HTR1F: variants seen among roughly 807,000 people sequenced by gnomAD.
The protein encoded by HTR1F is 5-hydroxytryptamine (serotonin) receptor 1F, G protein-coupled.
In HTR1F, 17 loss-of-function variants were observed where a neutral mutation model predicts 24.0. The observed-to-expected ratio is 0.71, with a 90% CI of 0.48 to 1.06. The LOEUF is 1.06. HTR1F is among the 50% of genes least tolerant of loss of function. The pLI, the probability that HTR1F is intolerant of heterozygous loss-of-function variation, is 0.00. For synonymous variants in HTR1F, 186 were observed against 156.8 expected, an observed-to-expected ratio of 1.19 and a Z score of -1.39; for missense variants, 391 against 427.8, an observed-to-expected ratio of 0.91 and a Z score of 0.76.
At chr3:87,813,340 C>A (rs1330660578) in intron 1 of HTR1F, among the ~76,000 whole-genome samples, 2 of 152,124 alleles carry the variant, frequency 1.3e-5, no homozygotes, top group Non-Finnish European at 2.9e-5. Flanking sequence ...TTTTATGGGG[C>A]CTGTAGGCCC....
intron 2 of HTR1F, among the ~76,000 whole-genome samples, chr3:87,930,874 G>C (rs1471282969): frequency 6.6e-6 from 1 of 151,940 alleles, no homozygotes; most frequent in African/African-American, 2.4e-5. Context: ...TACACATATT[G>C]TTGATGTTTT....
chr3:87,821,840 T>C (rs895523563), intron 1 of HTR1F, among the ~76,000 whole-genome samples, 168 bp from the exon 2 acceptor site: 3 of 143,124 alleles, frequency 2.1e-5, no homozygotes, highest in African/African-American at 9.2e-5. Context: ...ACGTTTTTTC[T>C]TTTATTGACT....
chr3:87,967,497 G>A (rs748856397), intron 2 of HTR1F, among the ~76,000 whole-genome samples: 38 of 151,784 alleles, frequency 2.5e-4, no homozygotes, highest in African/African-American at 8.2e-4. Flanking sequence ...GGAGTGATAC[G>A]GCTTGGCTGT....
At chr3:87,907,908 G>T (rs185121271) in intron 2 of HTR1F, among the ~76,000 whole-genome samples, 1 of 152,008 alleles carries the variant, frequency 6.6e-6, no homozygotes, top group Admixed American at 6.6e-5. Context: ...TTATATGTTG[G>T]AATACAAATT....
chr3:87,861,348 C>T (rs1299353455), intron 2 of HTR1F, among the ~76,000 whole-genome samples: 1 of 152,002 alleles, frequency 6.6e-6, no homozygotes, highest in Non-Finnish European at 1.5e-5. Context: ...ATTTTGAATA[C>T]AGCCTAAATA....
intron 1 of HTR1F, among the ~76,000 whole-genome samples, chr3:87,807,990 A>AT (rs1207577298): frequency 6.6e-6 from 1 of 151,704 alleles, no homozygotes; most frequent in Non-Finnish European, 1.5e-5. Context: ...GTGGTATATT[A>AT]TTTTTTTAAT....
At chr3:87,918,670 G>A (rs1703946782) in intron 2 of HTR1F, among the ~76,000 whole-genome samples, 1 of 151,884 alleles carries the variant, frequency 6.6e-6, no homozygotes, top group African/African-American at 2.4e-5. Flanking sequence ...TAACCAAGGA[G>A]TCTAAAAACC....
At chr3:87,909,202 G>A (rs773490007) in intron 2 of HTR1F, among the ~76,000 whole-genome samples, 1 of 151,950 alleles carries the variant, frequency 6.6e-6, no homozygotes, top group Non-Finnish European at 1.5e-5. Flanking sequence ...CATATGGTGT[G>A]GAGTGGCTAT....
At chr3:87,857,777 CTT>C (rs1189567468) in intron 2 of HTR1F, among the ~76,000 whole-genome samples, 5 of 152,122 alleles carry the variant, frequency 3.3e-5, no homozygotes, top group African/African-American at 1.2e-4. Flanking sequence ...AGGGTTCACT[CTT>C]GGTGTTGTAC....
intron 2 of HTR1F, among the ~76,000 whole-genome samples, chr3:87,898,287 C>A (rs1706246628): frequency 1.3e-5 from 2 of 152,146 alleles, no homozygotes; most frequent in Admixed American, 6.5e-5. Flanking sequence ...GCCTGGAATT[C>A]ATCTTAGGTC....
intron 2 of HTR1F, among the ~76,000 whole-genome samples, chr3:87,879,993 T>C (rs1450035783): frequency 6.6e-6 from 1 of 152,166 alleles, no homozygotes; most frequent in Non-Finnish European, 1.5e-5. Flanking sequence ...TAAACAGTAT[T>C]TTTCATATAA....
At chr3:87,826,462 A>G (rs1704463704) in intron 2 of HTR1F, among the ~76,000 whole-genome samples, 1 of 152,260 alleles carries the variant, frequency 6.6e-6, no homozygotes, top group Non-Finnish European at 1.5e-5. Flanking sequence ...TGATTTTCTC[A>G]TAAAGTCCAT....
chr3:87,802,535 A>G (rs1291954507), intron 1 of HTR1F, among the ~76,000 whole-genome samples: 1 of 151,798 alleles, frequency 6.6e-6, no homozygotes, highest in Non-Finnish European at 1.5e-5. Context: ...TTCTGGAGAC[A>G]GTATGTTACT....
At chr3:87,953,511 T>C (rs1704879302) in intron 2 of HTR1F, among the ~76,000 whole-genome samples, 1 of 147,526 alleles carries the variant, frequency 6.8e-6, no homozygotes, top group Admixed American at 6.8e-5. Context: ...CCAGTTAGAA[T>C]GGCTATTACC....
chr3:87,852,151 T>C (rs1484962329), intron 2 of HTR1F, among the ~76,000 whole-genome samples: 1 of 151,588 alleles, frequency 6.6e-6, no homozygotes, highest in African/African-American at 2.4e-5. Flanking sequence ...TTTATTGGCC[T>C]TTGAACTTTC....
intron 2 of HTR1F, among the ~76,000 whole-genome samples, chr3:87,908,142 C>G (rs1703704804): frequency 6.6e-6 from 1 of 151,882 alleles, no homozygotes. Context: ...AGAAGTTTCC[C>G]ATCAGAGATT....
In HTR1F at chr3:87,991,271, C is replaced by G. The variant is rs747001658; in HGVS notation, c.522C>G (p.Ile174Met). 2 of 1,614,020 alleles carry G rather than the reference C, an allele frequency of 1.2e-6. No homozygotes were observed. Among genetic ancestry groups the G allele is most frequent in the East Asian group, 2.2e-5 (1 of 44,874 alleles). Residue 174 changes from isoleucine to methionine, a missense_variant, in exon 3 of 3, where the codon ATC (isoleucine) becomes ATG (methionine). Ile to Met is a conservative substitution (Grantham distance 10, BLOSUM62 1). Transcript: ENST00000319595. ...CTAGCAGAGATGATGAATGCATCAT[C>G]AAGCACGACCACATTGTTTCCACCA... ...QGTSRDDECIIKHDHIVSTIY... is the reference protein window; with the variant it reads ...QGTSRDDECIMKHDHIVSTIY...
At chr3:87,866,844 G>A (rs1000053512) in intron 2 of HTR1F, among the ~76,000 whole-genome samples, 1 of 123,198 alleles carries the variant, frequency 8.1e-6, no homozygotes. Flanking sequence ...GTGTGTGTGT[G>A]TGCGTGTGTG....
chr3:87,989,882 T>G (rs1239385046), intron 2 of HTR1F, among the ~76,000 whole-genome samples: 3 of 152,158 alleles, frequency 2.0e-5, no homozygotes, highest in African/African-American at 7.2e-5. Context: ...TTACAAAGTT[T>G]TCCAGAGCTT....
Sources: allele counts gnomAD v4.1 joint callset (sites outside exome capture counted in the v4.1 genomes callset), GRCh38; gene constraint gnomAD v4.1.1; transcripts MANE v1.5; gene names NCBI Gene and HGNC (gene_info 2026-07-23, HGNC 2026-07-21).